DOP1B: variants seen among roughly 807,000 people sequenced by gnomAD.
DOP1B encodes protein DOP1B.
DOP1B carries 174 observed loss-of-function variants against 233.5 expected under a neutral mutation model. The ratio of observed to expected loss-of-function variants is 0.75; its 90% confidence interval spans 0.66 to 0.85. The LOEUF is 0.85. Ranked by LOEUF, DOP1B falls within the 40% of genes least tolerant of loss-of-function variation. DOP1B has a pLI of 0.00. For synonymous variants in DOP1B, 1,190 were observed against 1,185.6 expected (o/e 1.00, Z -0.08); for missense variants, 2,652 against 2,846.6 (o/e 0.93, Z 1.56).
chr21:36,176,087 G>GGTGTGTGTGTGTGTGTGTGTGTGT, intron 2 of DOP1B, among the ~76,000 whole-genome samples: 1 of 96,530 alleles, frequency 1.0e-5, no homozygotes, highest in South Asian at 2.8e-4. Flanking sequence ...TCGACTTTGG[G>GGTGTGTGTGTGTGTGTGTGTGTGT]GTGTGTGTGC....
rs984727401 is a variant in DOP1B at position 36,247,508 on chromosome 21, T to G, written c.4698-9T>G. 1.3e-6 allele frequency: 2 copies of G among 1,574,816 alleles called. No homozygotes were observed. On this transcript the variant is annotated splice_polypyrimidine_tract_variant and intron_variant, in intron 19 of 36. Coordinates refer to ENST00000691173, the MANE Select transcript of DOP1B (RefSeq NM_001320714.2). Reference sequence around the variant, plus strand: ...ATTCTCAAACCAGTTTCTCTTTTCTTCACCACAGCACAACCTCCAAGAGGG... The same window carrying G: ...ATTCTCAAACCAGTTTCTCTTTTCTGCACCACAGCACAACCTCCAAGAGGG...
chr21:36,166,293 C>T (rs1284951916), intron 2 of DOP1B, among the ~76,000 whole-genome samples: 3 of 151,738 alleles, frequency 2.0e-5, no homozygotes, highest in Non-Finnish European at 4.4e-5. Context: ...AAAAATTAGC[C>T]GGGCGTGGTG....
At chr21:36,224,184 C>G (rs2066656592) in intron 11 of DOP1B, among the ~76,000 whole-genome samples, 1 of 152,054 alleles carries the variant, frequency 6.6e-6, no homozygotes, top group Non-Finnish European at 1.5e-5. Flanking sequence ...GAGTCTCTGT[C>G]TCTCACCGAG....
At chr21:36,176,587 A>G (rs1273280367) in intron 2 of DOP1B, among the ~76,000 whole-genome samples, 2 of 152,140 alleles carry the variant, frequency 1.3e-5, no homozygotes, top group African/African-American at 4.8e-5. Context: ...AGGTAAGTGC[A>G]GGGCCAGGGT....
intron 3 of DOP1B, among the ~76,000 whole-genome samples, chr21:36,199,577 C>T (rs968613137): frequency 1.3e-5 from 2 of 152,028 alleles, no homozygotes; most frequent in Admixed American, 6.6e-5. Flanking sequence ...CTAGTGCTAT[C>T]CCTCCCCACT....
chr21:36,277,195 T>C, intron 28 of DOP1B, 95 bp downstream of exon 28: 25 of 1,270,914 alleles, frequency 2.0e-5, no homozygotes, highest in Non-Finnish European at 2.8e-5. Context: ...CCAGTGAGCG[T>C]GGGCCGCACC....
chr21:36,181,866 ATC>A (rs2066102410), intron 2 of DOP1B, among the ~76,000 whole-genome samples: 1 of 152,022 alleles, frequency 6.6e-6, no homozygotes, highest in Non-Finnish European at 1.5e-5. Context: ...TTTCACCATC[ATC>A]TCTACCCTGT....
intron 18 of DOP1B, among the ~76,000 whole-genome samples, chr21:36,244,213 A>C (rs1409172706): frequency 1.3e-5 from 2 of 150,802 alleles, no homozygotes; most frequent in Non-Finnish European, 3.0e-5. Flanking sequence ...TAGTAGATGG[A>C]GTTTCTCCAT....
chr21:36,201,628 G>A (rs1398699168), intron 4 of DOP1B, among the ~76,000 whole-genome samples: 3 of 151,860 alleles, frequency 2.0e-5, no homozygotes, highest in Non-Finnish European at 4.4e-5. Flanking sequence ...GATTACAGGC[G>A]TGAGCCACCA....
chr21:36,193,169 A>G (rs1380938169), intron 2 of DOP1B, among the ~76,000 whole-genome samples: 13 of 152,192 alleles, frequency 8.5e-5, no homozygotes. Context: ...TGCGAGGTTC[A>G]TGGCTGAGAC....
intron 16 of DOP1B, among the ~76,000 whole-genome samples, chr21:36,238,236 C>T (rs970652687): frequency 5.3e-5 from 8 of 152,156 alleles, no homozygotes; most frequent in African/African-American, 1.2e-4. Context: ...GAGAATTTAT[C>T]GTCCTGGGTC....
At chr21:36,291,274 G>A (rs185725015) in intron 35 of DOP1B, among the ~76,000 whole-genome samples, 98 of 150,102 alleles carry the variant, frequency 6.5e-4, no homozygotes, top group Admixed American at 1.1e-3. Context: ...CCAAAAAAAA[G>A]TGGAGGCTAG....
In DOP1B at chr21:36,246,466, C is replaced by G; in HGVS notation, c.4486C>G (p.Gln1496Glu). Residue 1496 changes from glutamine to glutamate, a missense_variant, in exon 19 of 37, where the codon CAG becomes GAG. Gln to Glu is a conservative substitution (Grantham distance 29, BLOSUM62 2). This residue lies in a region of DOP1B where 2,617 missense variants were observed against 2,794.3 expected (regional missense o/e 0.94). Transcript: ENST00000691173. This position sits in a 1 kb window ranked among gnomAD's most constrained non-coding sequence, Gnocchi z 5.1. ...CGTGCAGCCCCACCCCCTCACCTCC[C>G]AGGGTCTTCTGGTCTCTGCGGTGGT... ...QYVQPHPLTS[Q>E]GLLVSAVVRG... The G allele has an allele frequency of 6.2e-7, 1 of 1,614,058 alleles. No individual in the cohort carries two copies. Among genetic ancestry groups the G allele is most frequent in the Non-Finnish European group, 8.5e-7 (1 of 1,179,994 alleles).
intron 2 of DOP1B, among the ~76,000 whole-genome samples, chr21:36,186,971 G>A (rs2066171805): frequency 6.6e-6 from 1 of 152,066 alleles, no homozygotes; most frequent in Non-Finnish European, 1.5e-5. Flanking sequence ...GCCCGTCTTA[G>A]GAGCTCGACC....
intron 2 of DOP1B, among the ~76,000 whole-genome samples, chr21:36,180,138 T>TA (rs11422537): frequency 0.58 from 87,451 of 151,246 alleles, 25,616 homozygotes; most frequent in African/African-American, 0.71. Context: ...TTTATAAAGT[T>TA]AAAAAAAAAC....
At chr21:36,187,466 T>TG (rs1329887193) in intron 2 of DOP1B, among the ~76,000 whole-genome samples, 1 of 151,888 alleles carries the variant, frequency 6.6e-6, no homozygotes, top group African/African-American at 2.4e-5. Context: ...GGCTAATTTT[T>TG]GTTTTTTTTT....
intron 27 of DOP1B, 81 bp from the exon 28 acceptor site, chr21:36,276,912 GGTATGAAAGGCGGGAGCTGATGGCTCAC>G (rs2067356279): frequency 1.0e-6 from 1 of 955,368 alleles, no homozygotes; most frequent in African/African-American, 1.6e-5. Flanking sequence ...GGACACAATT[GGTATGAAAGGCGGGAGCTGATGGCTCAC>G]ATTCATGCAG....
intron 2 of DOP1B, among the ~76,000 whole-genome samples, chr21:36,198,477 C>T (rs543274218): frequency 2.0e-5 from 3 of 152,092 alleles, no homozygotes; most frequent in Admixed American, 6.6e-5. Flanking sequence ...GGGCCTCCCA[C>T]GCACAAAGTT....
chr21:36,243,451 T>C (rs998548527), intron 18 of DOP1B, among the ~76,000 whole-genome samples: 1 of 151,838 alleles, frequency 6.6e-6, no homozygotes, highest in Non-Finnish European at 1.5e-5. Context: ...TAAAGTGTCA[T>C]ACGTTTTCTG....
Sources: gnomAD v4.1 joint callset for allele counts (sites outside exome capture counted in the v4.1 genomes callset) on GRCh38, gnomAD v4.1.1 for gene constraint, gnomAD v4.1.1 regional missense constraint, Gnocchi (gnomAD v3.1) non-coding constraint, MANE v1.5 for transcripts, NCBI Gene and HGNC (gene_info 2026-07-23, HGNC 2026-07-21) for gene names.